The following AFF3 variants were observed in gnomAD, a reference collection of about 807,000 sequenced individuals.
The protein encoded by AFF3 is AF4/FMR2 family member 3.
In AFF3, 32 loss-of-function variants were observed where a neutral mutation model predicts 129.7. That is an observed-to-expected ratio of 0.25 (90% confidence interval 0.19 to 0.33). AFF3 has a LOEUF of 0.33. Ranked by LOEUF, AFF3 falls within the 10% of genes least tolerant of loss-of-function variation. The probability of loss-of-function intolerance (pLI) is 1.00; values close to 1 mark genes in which losing one functional copy is unlikely to be tolerated. For missense variants in AFF3, 1,373 were observed against 1,592.0 expected, an observed-to-expected ratio of 0.86 and a Z score of 2.34; for synonymous variants, 644 against 635.4, an observed-to-expected ratio of 1.01 and a Z score of -0.20.
intron 7 of AFF3, among the ~76,000 whole-genome samples, chr2:99,887,597 C>T (rs910658320): frequency 6.6e-6 from 1 of 152,146 alleles, no homozygotes. Flanking sequence ...GAAATATAAG[C>T]TCTTCAATGT....
chr2:99,635,169 CAT>C (rs1006285586), intron 13 of AFF3, among the ~76,000 whole-genome samples: 4 of 150,884 alleles, frequency 2.7e-5, no homozygotes, highest in African/African-American at 7.3e-5. Flanking sequence ...GATATATACA[CAT>C]ATCTCTATAT....
chr2:99,880,075 G>A (rs866820286), intron 7 of AFF3, among the ~76,000 whole-genome samples: 7 of 152,298 alleles, frequency 4.6e-5, no homozygotes, highest in African/African-American at 1.4e-4. Flanking sequence ...AGCAAGGATC[G>A]TTTGGTAAGA....
intron 7 of AFF3, among the ~76,000 whole-genome samples, chr2:99,966,466 G>A (rs1391773974): frequency 5.3e-5 from 8 of 151,526 alleles, no homozygotes; most frequent in Non-Finnish European, 1.0e-4. Context: ...CGAGGCGGGC[G>A]GATCACGAGG....
chr2:100,060,943 C>T (rs1687221208), intron 4 of AFF3, among the ~76,000 whole-genome samples: 2 of 152,180 alleles, frequency 1.3e-5, no homozygotes, highest in African/African-American at 2.4e-5. Context: ...CCCTTGTTTT[C>T]GATGACGTTG....
At chr2:99,690,740 T>C (rs904072145) in intron 11 of AFF3, among the ~76,000 whole-genome samples, 3 of 152,056 alleles carry the variant, frequency 2.0e-5, no homozygotes, top group Non-Finnish European at 2.9e-5. Flanking sequence ...TTTTCACAAA[T>C]ATATTTTGGT....
rs532786110 is a variant in AFF3, at chr2:99,908,389, G to C, written c.874-70865C>G. On this transcript the variant is annotated intron_variant, in intron 7 of 24. Transcript: ENST00000672756. ...CATAAAAGCGCTAGAAGAAAACCTAGGCAATACCATTCAGGACATAGGCAT... is the reference window on the plus strand; with the variant it reads ...CATAAAAGCGCTAGAAGAAAACCTACGCAATACCATTCAGGACATAGGCAT... 1.7e-3 allele frequency among the ~76,000 whole-genome samples: 259 copies of C among 152,228 alleles called. 2 individuals are homozygous for C. In the South Asian group the frequency reaches 0.018, roughly 10 times the overall value.
At chr2:99,644,372 G>A (rs981820332) in intron 13 of AFF3, among the ~76,000 whole-genome samples, 4 of 151,940 alleles carry the variant, frequency 2.6e-5, no homozygotes, top group African/African-American at 9.7e-5. Context: ...TTTAAGTCAA[G>A]CATAATTTTT....
At chr2:99,924,554 A>G (rs1431444748) in intron 7 of AFF3, among the ~76,000 whole-genome samples, 1 of 152,210 alleles carries the variant, frequency 6.6e-6, no homozygotes. Context: ...TCACCAAATA[A>G]TAGTTGTATT....
chr2:99,872,231 A>AAAAAAAG (rs1691922892), intron 7 of AFF3, among the ~76,000 whole-genome samples: 1 of 148,342 alleles, frequency 6.7e-6, no homozygotes, highest in South Asian at 2.1e-4. Context: ...AAAAAAAAAA[A>AAAAAAAG]AGGGAAAACG....
At chr2:99,939,227 T>A (rs534744975) in intron 7 of AFF3, among the ~76,000 whole-genome samples, 1 of 152,394 alleles carries the variant, frequency 6.6e-6, no homozygotes, top group South Asian at 2.1e-4. Flanking sequence ...GGAAGGACTA[T>A]CCTGTTTCAT....
intron 7 of AFF3, among the ~76,000 whole-genome samples, chr2:99,913,015 GAGCCT>G (rs1348964563): frequency 6.6e-6 from 1 of 152,114 alleles, no homozygotes; most frequent in East Asian, 1.9e-4. Flanking sequence ...CACTCCATCA[GAGCCT>G]AGACTCACAA....
chr2:99,707,792 T>C (rs1447201732), intron 11 of AFF3: 1 of 371,246 alleles, frequency 2.7e-6, no homozygotes, highest in Non-Finnish European at 3.7e-6. Context: ...TTAGGATTTC[T>C]TTCTTGCAAA....
At chr2:99,941,027 CG>C in intron 7 of AFF3, among the ~76,000 whole-genome samples, 1 of 152,232 alleles carries the variant, frequency 6.6e-6, no homozygotes, top group Non-Finnish European at 1.5e-5. Context: ...AAAAGGCTGA[CG>C]GAGGCTAAAG....
intron 13 of AFF3, among the ~76,000 whole-genome samples, chr2:99,621,559 A>G (rs1167142286): frequency 2.0e-5 from 3 of 152,256 alleles, no homozygotes; most frequent in Non-Finnish European, 4.4e-5. Context: ...CTCTGCAACC[A>G]TATGTGCCTG....
At chr2:99,651,225 T>C (rs536087812) in intron 12 of AFF3, among the ~76,000 whole-genome samples, 1 of 152,040 alleles carries the variant, frequency 6.6e-6, no homozygotes, top group South Asian at 2.1e-4. Flanking sequence ...CTCCCAAGTT[T>C]TGTACTTGCT....
intron 13 of AFF3, among the ~76,000 whole-genome samples, chr2:99,601,931 G>C (rs777198015): frequency 6.6e-6 from 1 of 152,328 alleles, no homozygotes; most frequent in Non-Finnish European, 1.5e-5. Flanking sequence ...CCATTTTGCT[G>C]CTGTTCTGGG....
At chr2:99,628,922 A>G in intron 13 of AFF3, among the ~76,000 whole-genome samples, 1 of 151,922 alleles carries the variant, frequency 6.6e-6, no homozygotes, top group African/African-American at 2.4e-5. Flanking sequence ...GGGTTTCACC[A>G]TGTTGGCCAG....
chr2:99,807,152 G>C (rs1686416813), intron 8 of AFF3, among the ~76,000 whole-genome samples: 1 of 152,138 alleles, frequency 6.6e-6, no homozygotes, highest in Non-Finnish European at 1.5e-5. Context: ...TTCATGAATT[G>C]AACCTGTCAC....
intron 14 of AFF3, among the ~76,000 whole-genome samples, chr2:99,594,747 A>G (rs1679120463): frequency 6.6e-6 from 1 of 152,236 alleles, no homozygotes; most frequent in South Asian, 2.1e-4. Flanking sequence ...AGTGGAACCT[A>G]CAATCCCAAA....
Sources: allele counts gnomAD v4.1 joint callset (sites outside exome capture counted in the v4.1 genomes callset), GRCh38; gene constraint gnomAD v4.1.1; transcripts MANE v1.5; gene names NCBI Gene and HGNC (gene_info 2026-07-23, HGNC 2026-07-21).